Variants in FANCA observed in about 807,000 individuals in gnomAD.
FANCA encodes Fanconi anemia group A protein.
In FANCA, 236 loss-of-function variants were observed where a neutral mutation model predicts 194.3. The observed-to-expected ratio is 1.21, with a 90% CI of 1.09 to 1.35. The LOEUF (loss-of-function observed/expected upper bound fraction) is 1.35. Among genes scored for constraint, FANCA ranks in the 40% most tolerant of loss-of-function variants. FANCA has a pLI of 0.00. For missense variants in FANCA, 2,628 were observed against 1,813.9 expected, an observed-to-expected ratio of 1.45 and a Z score of -8.15; for synonymous variants, 1,014 against 715.8, an observed-to-expected ratio of 1.42 and a Z score of -6.65.
chr16:89,788,388 G>T (rs575349714), intron 14 of FANCA, among the ~76,000 whole-genome samples: 1 of 152,288 alleles, frequency 6.6e-6, no homozygotes, highest in South Asian at 2.1e-4. Flanking sequence ...TTGAACCCAG[G>T]AGGTGGGAGT....
At position 89,790,060 on chromosome 16, in the gene FANCA, T is replaced by A. The variant is rs138143141; in HGVS notation, c.1359+1343A>T. On this transcript the variant is annotated intron_variant, in intron 14 of 42. Coordinates refer to ENST00000389301, the MANE Select transcript of FANCA (RefSeq NM_000135.4). ...GTTCCAAAGAAAAAGGAAGAATATGTGATACGGCTGAAGAAATGAAGTACT... is the reference window on the plus strand; with the variant it reads ...GTTCCAAAGAAAAAGGAAGAATATGAGATACGGCTGAAGAAATGAAGTACT... Among the ~76,000 whole-genome samples the A allele has an allele frequency of 2.0e-5, 3 of 152,292 alleles. No individual in the cohort carries two copies. The East Asian group carries it at 5.8e-4, about 29-fold the overall frequency.
chr16:89,771,914 G>A, intron 22 of FANCA, 100 bp from the exon 23 acceptor site: 2 of 1,386,514 alleles, frequency 1.4e-6, no homozygotes, highest in Non-Finnish European at 2.0e-6. Flanking sequence ...CGATTCCACG[G>A]ATCCTGCTGA....
intron 8 of FANCA, among the ~76,000 whole-genome samples, chr16:89,802,810 G>C (rs1048444280): frequency 6.6e-6 from 1 of 152,152 alleles, no homozygotes; most frequent in Non-Finnish European, 1.5e-5. Flanking sequence ...GACAAATATT[G>C]CATGTTATCA....
intron 4 of FANCA, 35 bp from the exon 5 acceptor site, chr16:89,810,837 T>C (rs756833692): frequency 4.3e-6 from 7 of 1,612,278 alleles, no homozygotes; most frequent in Middle Eastern, 3.3e-4. Flanking sequence ...AAAAAACAAA[T>C]TACCTGAAAC....
At chr16:89,751,598 G>A (rs1283929466) in intron 31 of FANCA, among the ~76,000 whole-genome samples, 1 of 152,162 alleles carries the variant, frequency 6.6e-6, no homozygotes, top group African/African-American at 2.4e-5. Context: ...GGCGGAGGGA[G>A]AGACAGGGGC....
chr16:89,808,086 AACC>A lies in FANCA; in HGVS notation c.596+205_596+207del, dbSNP rs376278387. Among the ~76,000 whole-genome samples the A allele has an allele frequency of 0.98, 148,417 of 151,630 alleles. 72,602 individuals carry two copies. Among genetic ancestry groups the A allele is most frequent in the East Asian group, 0.99 (5,132 of 5,170 alleles). ...AAAAAAACAGACAAAAAGCAAACAA[AACC>A]AAAACACCATAAACGTTCTCTTGAA... On this transcript the variant is annotated intron_variant, in intron 6 of 42. Transcript: ENST00000389301.
intron 10 of FANCA, chr16:89,798,608 C>T: frequency 8.6e-7 from 1 of 1,159,416 alleles, no homozygotes; most frequent in Non-Finnish European, 1.1e-6. Context: ...CGATGTCCAC[C>T]TTCCACCCAG....
At chr16:89,798,796 T>G (rs1172665383) in intron 10 of FANCA, 1 of 1,430,386 alleles carries the variant, frequency 7.0e-7, no homozygotes, top group Non-Finnish European at 9.1e-7. Context: ...TCTAGAAATG[T>G]GGGGGGCTGA....
intron 33 of FANCA, among the ~76,000 whole-genome samples, chr16:89,748,184 G>A (rs889853189): frequency 1.3e-5 from 2 of 152,222 alleles, no homozygotes; most frequent in Admixed American, 6.5e-5. Flanking sequence ...GGGATTACGG[G>A]CGTGAGCCAC....
chr16:89,765,786 C>G (rs901954150), intron 27 of FANCA, among the ~76,000 whole-genome samples: 4 of 152,236 alleles, frequency 2.6e-5, no homozygotes, highest in African/African-American at 9.6e-5. Flanking sequence ...GCTGCCCTCT[C>G]CTAAGCTCAA....
At chr16:89,811,754 G>T (rs1290875469) in intron 3 of FANCA, among the ~76,000 whole-genome samples, 1 of 151,878 alleles carries the variant, frequency 6.6e-6, no homozygotes, top group Non-Finnish European at 1.5e-5. Context: ...TTTTTGCAAT[G>T]GTGTCTTACA....
At chr16:89,773,938 T>A (rs530141579) in intron 21 of FANCA, among the ~76,000 whole-genome samples, 1 of 151,894 alleles carries the variant, frequency 6.6e-6, no homozygotes, top group Non-Finnish European at 1.5e-5. Flanking sequence ...TCCAGCTAAT[T>A]TTTTGTATTT....
chr16:89,758,469 C>T (rs1040180212), intron 30 of FANCA, 108 bp downstream of exon 30: 37 of 1,386,756 alleles, frequency 2.7e-5, no homozygotes, highest in Non-Finnish European at 3.3e-5. Context: ...AAGGCAGACC[C>T]ACCCTAAGCT....
intron 24 of FANCA, 103 bp downstream of exon 24, chr16:89,770,461 T>C: frequency 8.5e-7 from 1 of 1,180,196 alleles, no homozygotes; most frequent in Non-Finnish European, 1.2e-6. Context: ...CGCCGCATGC[T>C]CCTGCGGAGA....
At chr16:89,745,980 G>C (rs560092001) in intron 35 of FANCA, among the ~76,000 whole-genome samples, 2 of 152,166 alleles carry the variant, frequency 1.3e-5, no homozygotes, top group Non-Finnish European at 2.9e-5. Flanking sequence ...GGAACATGCC[G>C]TGCTGCGGAG....
intron 6 of FANCA, among the ~76,000 whole-genome samples, chr16:89,807,939 T>C (rs1020613948): frequency 3.3e-5 from 5 of 151,942 alleles, no homozygotes; most frequent in African/African-American, 1.2e-4. Flanking sequence ...GCGCCTGTAA[T>C]CCCAGCGACT....
chr16:89,746,515 T>A, intron 35 of FANCA, 69 bp downstream of exon 35: 1 of 1,226,898 alleles, frequency 8.2e-7, no homozygotes, highest in Non-Finnish European at 1.2e-6. Context: ...GCTGCAGAGA[T>A]GCCAGAGGCA....
At chr16:89,754,468 G>A (rs2143188235) in intron 30 of FANCA, among the ~76,000 whole-genome samples, 1 of 152,186 alleles carries the variant, frequency 6.6e-6, no homozygotes, top group African/African-American at 2.4e-5. Flanking sequence ...TGCCTCCTGA[G>A]TTCAAGTGAT....
rs17233706 is a variant in FANCA, at chr16:89,743,057, G to A, written c.3627-119C>T. The A allele has an allele frequency of 6.4e-4, 798 of 1,240,694 alleles. 3 individuals carry two copies. The African/African-American group carries it at 0.011, about 17-fold the overall frequency. 76.9% of individuals were successfully genotyped at this position (1,240,694 alleles called of 1,614,324 possible). ...GCCTGCCTTTCCATCAGAGGACAGA[G>A]AAGGGTTTCAGGACCATCAGAAACT... is the stretch of plus-strand genomic sequence containing the variant. On this transcript the variant is annotated intron_variant, in intron 36 of 42. Coordinates refer to ENST00000389301, the MANE Select transcript of FANCA (RefSeq NM_000135.4).
Sources: allele counts gnomAD v4.1 joint callset (sites outside exome capture counted in the v4.1 genomes callset), GRCh38; gene constraint gnomAD v4.1.1; transcripts MANE v1.5; gene names NCBI Gene and HGNC (gene_info 2026-07-23, HGNC 2026-07-21).